The following SGSM1 variants were observed in gnomAD, a reference collection of about 807,000 sequenced individuals.
SGSM1 encodes small G protein signaling modulator 1.
Under a neutral mutation model 133.8 loss-of-function variants are expected in SGSM1, and 73 were observed. The observed-to-expected ratio is 0.55, with a 90% CI of 0.45 to 0.66. The LOEUF is 0.66. Ranked by LOEUF, SGSM1 falls within the 30% of genes least tolerant of loss-of-function variation. The pLI is 0.00. For missense variants in SGSM1, 1,213 were observed against 1,448.1 expected (o/e 0.84, Z 2.64); for synonymous variants, 563 against 573.0 (o/e 0.98, Z 0.25).
At position 24,893,509 on chromosome 22, in the gene SGSM1, G is replaced by A; in HGVS notation, c.1849G>A (p.Glu617Lys). The A allele has an allele frequency of 6.2e-7, 1 of 1,613,326 alleles. No homozygotes were observed. The highest frequency in any genetic ancestry group is 2.2e-5 in the East Asian group (1 of 44,852). ...LGCEAIVRQRERESHAAALAK... is the reference protein window; with the variant it reads ...LGCEAIVRQRKRESHAAALAK... ...CTGCGAGGCGATCGTGCGGCAGAGG[G>A]AGCGGGAGTCCCATGCGGCCGCCCT... Residue 617 changes from glutamate to lysine, a missense_variant, in exon 17 of 25, where the codon GAG becomes AAG. Glu to Lys is a moderately conservative substitution (Grantham distance 56). Transcript: ENST00000400358.
intron 12 of SGSM1, among the ~76,000 whole-genome samples, chr22:24,872,570 A>G (rs1429974531): frequency 1.3e-5 from 2 of 152,218 alleles, no homozygotes; most frequent in Admixed American, 6.5e-5. Flanking sequence ...TAGACAAAAT[A>G]TATTGCTGGA....
At chr22:24,812,674 G>A (rs1927820495) in intron 2 of SGSM1, among the ~76,000 whole-genome samples, 1 of 152,170 alleles carries the variant, frequency 6.6e-6, no homozygotes, top group Non-Finnish European at 1.5e-5. Context: ...GAGCAAGGGA[G>A]GGTTTTGCTT....
Position 24,893,436 on chromosome 22 carries a change from C to T in SGSM1, c.1776C>T (p.Asp592=), listed in dbSNP as rs369052926. The T allele has an allele frequency of 3.2e-5, 51 of 1,613,438 alleles. No individual in the cohort carries two copies. The African/African-American group carries it at 5.5e-4, about 17-fold the overall frequency. Residue 592 remains aspartate (D), a synonymous_variant, in exon 17 of 25, where the codon GAC becomes GAT. Coordinates refer to ENST00000400358, the MANE Select transcript of SGSM1 (RefSeq NM_001098497.3). ...CATTGCATCTGCCCTGGCAGGTGGA[C>T]GAGCAGATTCATGCCTGCTATGCAC... is the stretch of plus-strand genomic sequence containing the variant. ...GMTETERKEV[D]EQIHACYAQT...
chr22:24,838,732 T>TG (rs1319846537), intron 2 of SGSM1, among the ~76,000 whole-genome samples: 11 of 149,998 alleles, frequency 7.3e-5, no homozygotes, highest in Admixed American at 2.7e-4. Context: ...TAAATGTGTG[T>TG]TTTTTTTTAA....
At chr22:24,826,238 A>G (rs181516123) in intron 2 of SGSM1, among the ~76,000 whole-genome samples, 139 of 152,372 alleles carry the variant, frequency 9.1e-4, no homozygotes, top group African/African-American at 3.1e-3. Flanking sequence ...CAGAGAATCA[A>G]TCAATAATCC....
rs538375310 is a variant in SGSM1 at position 24,895,288 on chromosome 22, A to C, written c.2019A>C (p.Thr673=). The C allele has an allele frequency of 2.2e-4, 358 of 1,611,148 alleles. 6 individuals carry two copies. The South Asian group carries it at 3.8e-3, about 17-fold the overall frequency. ...TGCACAGCGACTCCAGCAGCAGCAC[A>C]CAGGTGACCTTGTGGAGGCCTCGCC... ...IRLHSDSSSS[T]QVFESVDEVE... The change falls in exon 18 of 25, where the codon ACA becomes ACC. Residue 673 remains threonine (T), a synonymous_variant. Transcript: ENST00000400358.
At chr22:24,865,660 C>T (rs896185926) in intron 9 of SGSM1, among the ~76,000 whole-genome samples, 25 of 152,076 alleles carry the variant, frequency 1.6e-4, no homozygotes, top group African/African-American at 5.3e-4. Context: ...AAGAAGCAGA[C>T]ACCAAGACAG....
intron 2 of SGSM1, among the ~76,000 whole-genome samples, chr22:24,835,097 G>A (rs1435124320): frequency 1.3e-5 from 2 of 152,050 alleles, no homozygotes; most frequent in African/African-American, 4.8e-5. Context: ...ACTGCCCTTG[G>A]TGGTGATGTT....
chr22:24,854,366 T>C (rs1428493627), intron 5 of SGSM1, among the ~76,000 whole-genome samples: 1 of 152,168 alleles, frequency 6.6e-6, no homozygotes, highest in East Asian at 1.9e-4. Flanking sequence ...AAATGGGAGA[T>C]GTGGTAGAGG....
intron 2 of SGSM1, among the ~76,000 whole-genome samples, chr22:24,822,088 C>CTTTTTTT (rs71320790): frequency 1.0e-5 from 1 of 96,172 alleles, no homozygotes; most frequent in Non-Finnish European, 2.0e-5. Flanking sequence ...TCATCTCTCT[C>CTTTTTTT]TTTTTTTTTT....
chr22:24,893,751 G>T, intron 17 of SGSM1, 138 bp downstream of exon 17: 1 of 978,232 alleles, frequency 1.0e-6, no homozygotes, highest in South Asian at 2.0e-5. Flanking sequence ...CTTTAAGAGT[G>T]TGCGGTGACT....
chr22:24,841,793 C>T (rs1273561346), intron 2 of SGSM1, among the ~76,000 whole-genome samples: 2 of 152,154 alleles, frequency 1.3e-5, no homozygotes, highest in Admixed American at 6.6e-5. Flanking sequence ...GATGGAATCT[C>T]GCTCTATCGC....
intron 10 of SGSM1, 80 bp from the exon 11 acceptor site, chr22:24,868,296 G>C: frequency 6.5e-7 from 1 of 1,536,318 alleles, no homozygotes; most frequent in South Asian, 1.3e-5. Flanking sequence ...CACCCCTGGG[G>C]GATGTGCTTG....
At chr22:24,869,842 G>A (rs889547395) in intron 12 of SGSM1, among the ~76,000 whole-genome samples, 3 of 152,216 alleles carry the variant, frequency 2.0e-5, no homozygotes, top group Admixed American at 1.3e-4. Flanking sequence ...ACTAGTAAGC[G>A]CATCACCATT....
chr22:24,829,211 A>G (rs1274443506), intron 2 of SGSM1, among the ~76,000 whole-genome samples: 4 of 151,768 alleles, frequency 2.6e-5, no homozygotes, highest in Non-Finnish European at 2.9e-5. Flanking sequence ...AAAAAAAAAA[A>G]GTGAGATCAT....
At chr22:24,811,449 G>A (rs189470997) in intron 2 of SGSM1, among the ~76,000 whole-genome samples, 7 of 152,268 alleles carry the variant, frequency 4.6e-5, no homozygotes, top group African/African-American at 1.7e-4. Context: ...GTGGGCAGGG[G>A]CAGGGAACGA....
intron 2 of SGSM1, among the ~76,000 whole-genome samples, chr22:24,815,539 A>C (rs1928013284): frequency 6.6e-6 from 1 of 152,148 alleles, no homozygotes; most frequent in Non-Finnish European, 1.5e-5. Flanking sequence ...TCAGGAGATC[A>C]GGACCATCCT....
In SGSM1 at chr22:24,919,830, C is replaced by T. The variant is rs1933944031; in HGVS notation, c.3030C>T (p.Leu1010=). The T allele has an allele frequency of 2.5e-6, 4 of 1,613,842 alleles. No homozygotes were observed. The highest frequency in any genetic ancestry group is 2.2e-5 in the South Asian group (2 of 91,084). ...RWFLLDFKRE[L]VYDDVFLVWE... The stretch of plus-strand genomic sequence containing the variant: ...TGTGTGTTGGTGTCTTGGCAGAACT[C>T]GTCTATGATGACGTCTTCTTGGTCT... Residue 1010 remains leucine (L), a synonymous_variant, in exon 24 of 25, where the codon CTC becomes CTT. Transcript: ENST00000400358.
chr22:24,905,833 A>G (rs544465893), intron 21 of SGSM1, among the ~76,000 whole-genome samples: 3 of 152,022 alleles, frequency 2.0e-5, no homozygotes, highest in African/African-American at 4.8e-5. Flanking sequence ...ATTAATGCCA[A>G]TTCTTCGTGA....
Sources: allele counts gnomAD v4.1 joint callset (sites outside exome capture counted in the v4.1 genomes callset), GRCh38; gene constraint gnomAD v4.1.1; transcripts MANE v1.5; gene names NCBI Gene and HGNC (gene_info 2026-07-23, HGNC 2026-07-21).